Variants in ROBO2 observed in about 807,000 individuals in gnomAD.
ROBO2 encodes the protein roundabout homolog 2.
In ROBO2, 53 loss-of-function variants were observed where a neutral mutation model predicts 160.8. The ratio of observed to expected loss-of-function variants is 0.33; its 90% CI spans 0.26 to 0.41. The LOEUF is 0.41. Among genes scored for constraint, ROBO2 ranks in the 10% least tolerant of loss-of-function variants. The pLI, the probability that ROBO2 is intolerant of heterozygous loss-of-function variation, is 1.00. For missense variants in ROBO2, 1,577 were observed against 1,722.4 expected, an observed-to-expected ratio of 0.92 and a Z score of 1.49; for synonymous variants, 664 against 611.7, an observed-to-expected ratio of 1.09 and a Z score of -1.26.
At chr3:77,232,634 A>G (rs1391890111) in intron 2 of ROBO2, among the ~76,000 whole-genome samples, 1 of 152,164 alleles carries the variant, frequency 6.6e-6, no homozygotes, top group Non-Finnish European at 1.5e-5. Flanking sequence ...GGGAGGCATT[A>G]CCTGTGCAGA....
chr3:76,622,257 A>ACATAGCCAG (rs2089232860), intron 2 of ROBO2, among the ~76,000 whole-genome samples: 1 of 62,124 alleles, frequency 1.6e-5, no homozygotes, highest in Non-Finnish European at 3.3e-5. Context: ...AAAGAAAGAA[A>ACATAGCCAG]GAAAGAAAGA....
chr3:77,178,162 G>A (rs2150810388), intron 2 of ROBO2, among the ~76,000 whole-genome samples: 1 of 152,054 alleles, frequency 6.6e-6, no homozygotes, highest in East Asian at 1.9e-4. Flanking sequence ...TGCTGTTGAG[G>A]TATGGGCGCG....
At chr3:77,529,542 T>C (rs1188221756) in intron 6 of ROBO2, among the ~76,000 whole-genome samples, 1 of 151,826 alleles carries the variant, frequency 6.6e-6, no homozygotes, top group African/African-American at 2.4e-5. Context: ...TGTTATAGAA[T>C]AGTATGTTAA....
chr3:77,370,847 G>A (rs1446157297), intron 2 of ROBO2, among the ~76,000 whole-genome samples: 1 of 152,154 alleles, frequency 6.6e-6, no homozygotes, highest in East Asian at 1.9e-4. Context: ...TTGATAACAA[G>A]AGACCGCATT....
chr3:77,632,577 C>G, intron 23 of ROBO2: 1 of 1,535,698 alleles, frequency 6.5e-7, no homozygotes, highest in South Asian at 1.2e-5. Context: ...TCTTTGCCAG[C>G]GGCAGTTTTG....
At chr3:76,744,568 CCCAGG>C (rs1482747345) in intron 2 of ROBO2, among the ~76,000 whole-genome samples, 22 of 151,896 alleles carry the variant, frequency 1.4e-4, no homozygotes, top group African/African-American at 5.3e-4. Flanking sequence ...CGCTCTGTTG[CCCAGG>C]CTGGTCTCAA....
intron 2 of ROBO2, among the ~76,000 whole-genome samples, chr3:76,878,792 G>A (rs1052378945): frequency 8.5e-5 from 13 of 152,060 alleles, no homozygotes; most frequent in African/African-American, 3.1e-4. Flanking sequence ...GTGAAACAAG[G>A]CTAGTGGCTT....
intron 21 of ROBO2, among the ~76,000 whole-genome samples, chr3:77,608,350 GGCCATA>G (rs2094565114): frequency 6.6e-6 from 1 of 152,126 alleles, no homozygotes; most frequent in Non-Finnish European, 1.5e-5. Context: ...CTTGATGTCT[GGCCATA>G]GCAGGGCGCC....
chr3:77,259,672 A>G (rs1174432591), intron 2 of ROBO2, among the ~76,000 whole-genome samples: 3 of 152,248 alleles, frequency 2.0e-5, no homozygotes, highest in Non-Finnish European at 4.4e-5. Flanking sequence ...AGTTTACCTT[A>G]GCATTTCAGC....
chr3:75,941,502 A>C (rs1423650277), intron 2 of ROBO2, among the ~76,000 whole-genome samples: 8 of 152,196 alleles, frequency 5.3e-5, no homozygotes, highest in Non-Finnish European at 5.9e-5. Context: ...GAAAATTTTA[A>C]TCAATTTGGT....
At chr3:77,508,971 A>G (rs570308152) in intron 5 of ROBO2, among the ~76,000 whole-genome samples, 1 of 152,204 alleles carries the variant, frequency 6.6e-6, no homozygotes, top group Non-Finnish European at 1.5e-5. Context: ...TCAACAAAAC[A>G]CAGATTAACA....
chr3:77,046,812 A>G (rs968177320), intron 1 of ROBO2, among the ~76,000 whole-genome samples: 3 of 152,238 alleles, frequency 2.0e-5, no homozygotes, highest in Non-Finnish European at 2.9e-5. Flanking sequence ...GATTCAACAC[A>G]TGCATATTGA....
At chr3:77,529,994 T>A (rs2091522184) in intron 6 of ROBO2, among the ~76,000 whole-genome samples, 1 of 151,984 alleles carries the variant, frequency 6.6e-6, no homozygotes, top group Non-Finnish European at 1.5e-5. Context: ...ACATTTATTG[T>A]ATGGTCAAAA....
chr3:76,280,471 C>G (rs1005897565), intron 2 of ROBO2, among the ~76,000 whole-genome samples: 2 of 151,970 alleles, frequency 1.3e-5, no homozygotes, highest in Non-Finnish European at 2.9e-5. Flanking sequence ...AGAAAGAGAG[C>G]CCTTACCAGA....
At chr3:76,495,213 C>CTTTTTTT (rs35543664) in intron 2 of ROBO2, among the ~76,000 whole-genome samples, 3 of 136,298 alleles carry the variant, frequency 2.2e-5, no homozygotes, top group Non-Finnish European at 1.6e-5. Flanking sequence ...TCTTCATTTC[C>CTTTTTTT]TTTTTTTTTT....
intron 2 of ROBO2, among the ~76,000 whole-genome samples, chr3:76,189,232 G>A (rs993463309): frequency 2.0e-5 from 3 of 151,992 alleles, no homozygotes; most frequent in Non-Finnish European, 2.9e-5. Context: ...TATGTTTCTG[G>A]TTTATTAATT....
intron 2 of ROBO2, among the ~76,000 whole-genome samples, chr3:77,414,103 A>T (rs184143587): frequency 2.3e-4 from 35 of 152,278 alleles, no homozygotes; most frequent in Admixed American, 2.3e-3. Flanking sequence ...AAAAAAAGAA[A>T]AAAAGAAAAA....
chr3:76,768,805 G>C (rs1209582507), intron 2 of ROBO2, among the ~76,000 whole-genome samples: 2 of 151,202 alleles, frequency 1.3e-5, no homozygotes, highest in Non-Finnish European at 3.0e-5. Context: ...TGATTTCAGT[G>C]CATAGTGAAG....
chr3:76,791,470 C>T (rs971292274), intron 2 of ROBO2, among the ~76,000 whole-genome samples: 1 of 150,034 alleles, frequency 6.7e-6, no homozygotes, highest in African/African-American at 2.5e-5. Context: ...TCTCTCTTTT[C>T]TCTCTCTCTC....
Sources: gnomAD v4.1 joint callset for allele counts (sites outside exome capture counted in the v4.1 genomes callset) on GRCh38, gnomAD v4.1.1 for gene constraint, MANE v1.5 for transcripts, NCBI Gene and HGNC (gene_info 2026-07-23, HGNC 2026-07-21) for gene names.